The following TTC4 variants were observed in gnomAD, a reference collection of about 807,000 sequenced individuals.
TTC4 encodes tetratricopeptide repeat domain 4, also known as hsp70/Hsp90 co-chaperone CNS1 homolog.
TTC4 carries 36 observed loss-of-function variants against 51.9 expected under a neutral mutation model. The ratio of observed to expected loss-of-function variants is 0.69; its 90% CI spans 0.53 to 0.92. The LOEUF (loss-of-function observed/expected upper bound fraction) is 0.92, where lower values mean the gene tolerates loss of function less well. Among genes scored for constraint, TTC4 ranks in the 40% least tolerant of loss-of-function variants. TTC4 has a pLI of 0.00. For missense variants in TTC4, 399 were observed against 454.6 expected, an observed-to-expected ratio of 0.88 and a Z score of 1.11; for synonymous variants, 144 against 164.2, an observed-to-expected ratio of 0.88 and a Z score of 0.94.
rs534861316 is a variant in TTC4, at chr1:54,724,766, TAGAG to T, written c.594+1970_594+1973del. Among the ~76,000 whole-genome samples the T allele has an allele frequency of 1.5e-3, 233 of 152,226 alleles. 2 individuals carry two copies. The highest frequency in any genetic ancestry group is 5.0e-3 in the African/African-American group (206 of 41,532). ...ATTAATAAAACCAGTATTTAAAAAA[TAGAG>T]AGGGGTAGTGTCAATCACAGTGGTG... On this transcript the variant is annotated intron_variant, in intron 5 of 9. Transcript: ENST00000371281.
Position 54,741,879 on chromosome 1 carries a change from A to ATTTAAT in TTC4, c.*366_*367insTTTAAT. On this transcript the variant is annotated 3_prime_UTR_variant, in exon 10 of 10. Coordinates refer to ENST00000371281, the MANE Select transcript of TTC4 (RefSeq NM_004623.5). ...GAACTTTTGTGGAGTTTGACACCTT[A>ATTTAAT]GAGAAGCTACCCCTCAAACTGCACA... is the stretch of plus-strand genomic sequence containing the variant. The ATTTAAT allele has an allele frequency of 8.4e-6, 2 of 237,406 alleles. No homozygotes were observed. The highest frequency in any genetic ancestry group is 8.1e-5 in the South Asian group (1 of 12,330). 14.7% of individuals were successfully genotyped at this position (237,406 alleles called of 1,614,324 possible). A position where few individuals can be genotyped will look rare whatever the true frequency, so the allele number is the denominator to read the frequency against.
chr1:54,726,761 G>A (rs966657429), intron 5 of TTC4, among the ~76,000 whole-genome samples: 3 of 152,152 alleles, frequency 2.0e-5, no homozygotes, highest in African/African-American at 7.2e-5. Flanking sequence ...CCCAAAATTA[G>A]TGTATCAATT....
chr1:54,726,227 T>A (rs1238734584), intron 5 of TTC4, among the ~76,000 whole-genome samples: 1 of 152,058 alleles, frequency 6.6e-6, no homozygotes, highest in East Asian at 1.9e-4. Flanking sequence ...GAAAAATGAC[T>A]CTTTATGTAC....
Position 54,733,653 on chromosome 1 carries a change from G to A in TTC4, c.921G>A (p.Met307Ile). The change falls in exon 8 of 10, where the codon ATG becomes ATA. Residue 307 changes from methionine to isoleucine, a missense_variant. Around this residue, in one of 3 missense-constraint regions of TTC4, gnomAD observed 19 missense variants for 43.7 expected, o/e 0.43. Transcript: ENST00000371281. ...GGTTTATTGATCATCTAATGGTGAT[G>A]TTTGGTGAAACACCCTCTTGGGACC... ...DSRFIDHLMVMFGETPSWDLE... is the reference protein window; with the variant it reads ...DSRFIDHLMVIFGETPSWDLE... 2 of 1,602,012 alleles carry A rather than the reference G, an allele frequency of 1.2e-6. No homozygotes were observed. Among genetic ancestry groups the A allele is most frequent in the South Asian group, 2.2e-5 (2 of 89,268 alleles).
chr1:54,719,510 TTAAC>T (rs1645718247), intron 3 of TTC4, among the ~76,000 whole-genome samples: 1 of 129,454 alleles, frequency 7.7e-6, no homozygotes, highest in African/African-American at 3.3e-5. Flanking sequence ...TCTGCCTCCT[TTAAC>T]TAAAAGTCCT....
At chr1:54,736,222 G>GTGTA (rs1645936466) in intron 8 of TTC4, among the ~76,000 whole-genome samples, 2 of 120,266 alleles carry the variant, frequency 1.7e-5, no homozygotes, top group African/African-American at 6.8e-5. Flanking sequence ...GAGAGAGAGA[G>GTGTA]AAGAGGAGAG....
At chr1:54,739,640 T>G (rs1415770110) in intron 9 of TTC4, among the ~76,000 whole-genome samples, 1 of 152,182 alleles carries the variant, frequency 6.6e-6, no homozygotes. Context: ...GATTTGCAAA[T>G]TGACTCTTGG....
In TTC4 at chr1:54,741,501, C is replaced by G; in HGVS notation, c.1152C>G (p.Tyr384Ter). ...CKNFLRGRKV[Y>*]QIR ...ATTTTCTCCGGGGGAGAAAGGTGTA[C>G]CAGATACGATGACTAAGCCAGGGCC... is the stretch of plus-strand genomic sequence containing the variant. The change falls in exon 10 of 10, where the codon TAC (tyrosine) becomes TAG (stop). Residue 384 changes from tyrosine to a stop codon, truncating the protein, a stop_gained. Transcript: ENST00000371281. LOFTEE classifies it high-confidence loss of function. 6.2e-7 allele frequency: 1 copy of G among 1,613,956 alleles called. No homozygotes were observed. Among genetic ancestry groups the G allele is most frequent in the Non-Finnish European group, 8.5e-7 (1 of 1,179,890 alleles).
chr1:54,740,991 G>A (rs1184782934), intron 9 of TTC4, among the ~76,000 whole-genome samples: 4 of 152,078 alleles, frequency 2.6e-5, no homozygotes, highest in African/African-American at 9.7e-5. Context: ...AAATGCTTCT[G>A]CAGTTGTGCC....
chr1:54,738,286 TTCAG>T, intron 9 of TTC4, among the ~76,000 whole-genome samples: 1 of 152,184 alleles, frequency 6.6e-6, no homozygotes, highest in Middle Eastern at 3.4e-3. Context: ...ACCCCCATGA[TTCAG>T]TCATCTCCCA....
intron 9 of TTC4, among the ~76,000 whole-genome samples, chr1:54,739,716 A>G (rs1645989163): frequency 6.6e-6 from 1 of 152,240 alleles, no homozygotes; most frequent in Non-Finnish European, 1.5e-5. Context: ...CACTTAAGCT[A>G]AAAGAGCCCA....
At chr1:54,726,487 C>T (rs1452068406) in intron 5 of TTC4, among the ~76,000 whole-genome samples, 1 of 152,178 alleles carries the variant, frequency 6.6e-6, no homozygotes, top group African/African-American at 2.4e-5. Flanking sequence ...GTTCAGCAAG[C>T]TTGTTGGAAA....
chr1:54,730,305 T>C (rs904617033), intron 6 of TTC4, among the ~76,000 whole-genome samples: 2 of 151,220 alleles, frequency 1.3e-5, no homozygotes, highest in African/African-American at 4.9e-5. Context: ...TTTGGTTCTC[T>C]TCTTTAGTGT....
chr1:54,733,227 G>C (rs1181016627), intron 7 of TTC4, among the ~76,000 whole-genome samples: 1 of 151,366 alleles, frequency 6.6e-6, no homozygotes, highest in Non-Finnish European at 1.5e-5. Flanking sequence ...GACCAGCCTG[G>C]GCAATATAGG....
At chr1:54,736,418 G>A (rs1645945286) in intron 8 of TTC4, among the ~76,000 whole-genome samples, 1 of 149,016 alleles carries the variant, frequency 6.7e-6, no homozygotes, top group Non-Finnish European at 1.5e-5. Context: ...TGCCCAGGCT[G>A]GAGTGCGGTA....
At chr1:54,723,363 A>G (rs1459930073) in intron 5 of TTC4, among the ~76,000 whole-genome samples, 1 of 152,212 alleles carries the variant, frequency 6.6e-6, no homozygotes, top group Non-Finnish European at 1.5e-5. Context: ...GTCCAGGGCA[A>G]AATTAGATAC....
At chr1:54,717,968 C>A (rs960836336) in intron 3 of TTC4, among the ~76,000 whole-genome samples, 2 of 152,130 alleles carry the variant, frequency 1.3e-5, no homozygotes, top group African/African-American at 4.8e-5. Flanking sequence ...GTTTTTCTGG[C>A]CTTTTATCCT....
At chr1:54,717,379 T>G in intron 2 of TTC4, 113 bp from the exon 3 acceptor site, 1 of 948,566 alleles carries the variant, frequency 1.1e-6, no homozygotes, top group South Asian at 4.4e-5. Context: ...CTTTCCCTAT[T>G]GGTTTCTTCG....
chr1:54,736,151 GAGAA>G (rs1259235886), intron 8 of TTC4, among the ~76,000 whole-genome samples: 2 of 138,578 alleles, frequency 1.4e-5, no homozygotes, highest in Non-Finnish European at 3.0e-5. Context: ...CAGCTTGGGG[GAGAA>G]AGAGAGAGAA....
Sources: gnomAD v4.1 joint callset for allele counts (sites outside exome capture counted in the v4.1 genomes callset) on GRCh38, gnomAD v4.1.1 for gene constraint, gnomAD v4.1.1 regional missense constraint, MANE v1.5 for transcripts, NCBI Gene and HGNC (gene_info 2026-07-23, HGNC 2026-07-21) for gene names.